The following SGCZ variants were observed in gnomAD, a reference collection of about 807,000 sequenced individuals.
The protein encoded by SGCZ is zeta-sarcoglycan.
In SGCZ, 40 loss-of-function variants were observed where a neutral mutation model predicts 41.3. That is an observed-to-expected ratio of 0.97 (90% CI 0.75 to 1.26). The LOEUF (loss-of-function observed/expected upper bound fraction) is 1.26, where lower values mean the gene tolerates loss of function less well. Ranked by LOEUF, SGCZ falls within the 50% of genes most tolerant of loss-of-function variation. The pLI, the probability that SGCZ is intolerant of heterozygous loss-of-function variation, is 0.00. For synonymous variants in SGCZ, 206 were observed against 137.5 expected (o/e 1.50, Z -3.49); for missense variants, 552 against 369.8 (o/e 1.49, Z -4.04).
intron 4 of SGCZ, among the ~76,000 whole-genome samples, chr8:14,178,455 T>A (rs1585204854): frequency 6.6e-6 from 1 of 152,344 alleles, no homozygotes; most frequent in East Asian, 1.9e-4. Flanking sequence ...CCAAATTTTG[T>A]TAGAAATAAT....
intron 2 of SGCZ, among the ~76,000 whole-genome samples, chr8:14,396,375 G>A (rs189695441): frequency 6.6e-6 from 1 of 152,222 alleles, no homozygotes; most frequent in East Asian, 1.9e-4. Context: ...AAAAGGGAGT[G>A]ATAACTGAAC....
At chr8:14,529,822 C>A (rs1280945588) in intron 2 of SGCZ, among the ~76,000 whole-genome samples, 1 of 152,042 alleles carries the variant, frequency 6.6e-6, no homozygotes, top group Non-Finnish European at 1.5e-5. Flanking sequence ...CCCTTATTCT[C>A]ATCTTTATTG....
rs58302235 is a variant in SGCZ at position 14,974,864 on chromosome 8, G to GA, written c.39+262720dup. 8.5e-3 allele frequency among the ~76,000 whole-genome samples: 1,128 copies of GA among 132,556 alleles called. 9 individuals are homozygous for GA. The highest frequency in any genetic ancestry group is 0.02 in the South Asian group (84 of 4,112). The allele number at this position is 132,556 out of a possible 152,430, so 87.0% of individuals were successfully genotyped here. A position where few individuals can be genotyped will look rare whatever the true frequency, so the allele number is the denominator to read the frequency against. On this transcript the variant is annotated intron_variant, in intron 1 of 7. Coordinates refer to ENST00000382080, the MANE Select transcript of SGCZ (RefSeq NM_139167.4). ...CGAATGAAGAGGGAAGTGATTTTAG[G>GA]AAAAAAAAAAAAAAAAAGGAAATAC...
At chr8:14,939,034 G>A (rs552110765) in intron 1 of SGCZ, among the ~76,000 whole-genome samples, 2 of 152,228 alleles carry the variant, frequency 1.3e-5, no homozygotes, top group East Asian at 3.9e-4. Flanking sequence ...GCTACTCCAT[G>A]GAGTAGTCAG....
intron 2 of SGCZ, among the ~76,000 whole-genome samples, chr8:14,463,253 A>G (rs917408513): frequency 2.0e-5 from 3 of 151,530 alleles, no homozygotes; most frequent in Non-Finnish European, 3.0e-5. Context: ...AATAGCCAAA[A>G]AACAGCTTGA....
chr8:14,673,025 G>T (rs1037886708), intron 1 of SGCZ, among the ~76,000 whole-genome samples: 1 of 152,178 alleles, frequency 6.6e-6, no homozygotes, highest in African/African-American at 2.4e-5. Context: ...CAGCAGGCAA[G>T]ATTTGGCCTG....
intron 1 of SGCZ, among the ~76,000 whole-genome samples, chr8:14,723,065 C>T (rs1216937553): frequency 6.6e-6 from 1 of 152,088 alleles, no homozygotes; most frequent in Non-Finnish European, 1.5e-5. Context: ...TTTTGCTAGG[C>T]AGGTTCAAAA....
intron 4 of SGCZ, among the ~76,000 whole-genome samples, chr8:14,177,195 A>C (rs1804569236): frequency 2.0e-5 from 3 of 152,110 alleles, no homozygotes; most frequent in Non-Finnish European, 2.9e-5. Context: ...CACTTGGAAA[A>C]TGCCAGTGGG....
At chr8:14,640,214 T>C (rs1006565694) in intron 1 of SGCZ, among the ~76,000 whole-genome samples, 3 of 151,758 alleles carry the variant, frequency 2.0e-5, no homozygotes, top group African/African-American at 7.2e-5. Flanking sequence ...CCTTCTGGAT[T>C]CATTTTTCTT....
At chr8:14,852,626 C>T (rs2130657649) in intron 1 of SGCZ, among the ~76,000 whole-genome samples, 1 of 152,282 alleles carries the variant, frequency 6.6e-6, no homozygotes, top group South Asian at 2.1e-4. Context: ...TTTTTCCCTG[C>T]ACGCCAGATG....
chr8:14,492,520 G>C (rs1801869647), intron 2 of SGCZ, among the ~76,000 whole-genome samples: 1 of 152,062 alleles, frequency 6.6e-6, no homozygotes, highest in African/African-American at 2.4e-5. Context: ...CTCTAAATAA[G>C]GCCCAATTAT....
intron 2 of SGCZ, among the ~76,000 whole-genome samples, chr8:14,363,709 T>C (rs2117140214): frequency 6.6e-6 from 1 of 152,306 alleles, no homozygotes; most frequent in African/African-American, 2.4e-5. Context: ...TGGCAGCTGC[T>C]GGAGTAGATA....
chr8:14,547,252 T>C (rs1803657494), intron 2 of SGCZ, among the ~76,000 whole-genome samples: 1 of 152,172 alleles, frequency 6.6e-6, no homozygotes, highest in Non-Finnish European at 1.5e-5. Flanking sequence ...AAGTATTACA[T>C]TTTTCAAGAT....
chr8:15,038,694 T>C (rs186819592), intron 1 of SGCZ, among the ~76,000 whole-genome samples: 21 of 150,850 alleles, frequency 1.4e-4, no homozygotes, highest in Admixed American at 1.2e-3. Context: ...TAAGAAAAAA[T>C]TGTAAATTAT....
chr8:14,655,611 A>T (rs1807540428), intron 1 of SGCZ, among the ~76,000 whole-genome samples: 1 of 152,106 alleles, frequency 6.6e-6, no homozygotes, highest in Admixed American at 6.6e-5. Flanking sequence ...TAATATAGAG[A>T]CACCTTTAAT....
chr8:14,437,067 T>G (rs1328766629), intron 2 of SGCZ, among the ~76,000 whole-genome samples: 1 of 152,182 alleles, frequency 6.6e-6, no homozygotes, highest in African/African-American at 2.4e-5. Flanking sequence ...AATGAGACTT[T>G]TGGTGATATT....
At chr8:14,338,930 C>G (rs150850733) in intron 2 of SGCZ, among the ~76,000 whole-genome samples, 2 of 152,162 alleles carry the variant, frequency 1.3e-5, no homozygotes, top group Non-Finnish European at 2.9e-5. Context: ...CTCCTGGCTT[C>G]AGCCTGGACA....
chr8:14,431,934 A>C (rs1799953468), intron 2 of SGCZ, among the ~76,000 whole-genome samples: 1 of 152,232 alleles, frequency 6.6e-6, no homozygotes, highest in Non-Finnish European at 1.5e-5. Context: ...AAAAATGCTC[A>C]ACATCACTAA....
At position 15,147,558 on chromosome 8, in the gene SGCZ, G is replaced by A. The variant is rs182599028; in HGVS notation, c.39+90027C>T. Among the ~76,000 whole-genome samples, 65 of 152,316 alleles carry A rather than the reference G, an allele frequency of 4.3e-4. 1 individual carries two copies. Among genetic ancestry groups the A allele is most frequent in the African/African-American group, 1.5e-3 (62 of 41,584 alleles). On this transcript the variant is annotated intron_variant, in intron 1 of 7. Transcript: ENST00000382080. Reference sequence around the variant, plus strand: ...CCCACAAAGTGCTGGGATCACAGGCGTGAGCTGCCGTACCCGGCTGACACT... The same window carrying A: ...CCCACAAAGTGCTGGGATCACAGGCATGAGCTGCCGTACCCGGCTGACACT...
Sources: gnomAD v4.1 joint callset for allele counts (sites outside exome capture counted in the v4.1 genomes callset) on GRCh38, gnomAD v4.1.1 for gene constraint, MANE v1.5 for transcripts, NCBI Gene and HGNC (gene_info 2026-07-23, HGNC 2026-07-21) for gene names.